WASF2: variants seen among roughly 807,000 people sequenced by gnomAD.
The protein encoded by WASF2 is actin-binding protein WASF2.
Under a neutral mutation model 45.0 loss-of-function variants are expected in WASF2, and 14 were observed. That is an observed-to-expected ratio of 0.31 (90% CI 0.21 to 0.49). The LOEUF is 0.49. WASF2 is among the 20% of genes least tolerant of loss of function. WASF2 has a pLI of 0.99. For missense variants in WASF2, 439 were observed against 636.1 expected, an observed-to-expected ratio of 0.69 and a Z score of 3.33; for synonymous variants, 200 against 236.3, an observed-to-expected ratio of 0.85 and a Z score of 1.41.
chr1:27,409,428 C>CAAAAAAAA (rs60940665), intron 8 of WASF2, among the ~76,000 whole-genome samples: 103 of 43,666 alleles, frequency 2.4e-3, no homozygotes, highest in African/African-American at 3.7e-3. Flanking sequence ...CTGTCCCCCA[C>CAAAAAAAA]AAAAAAAAAA....
In WASF2 at chr1:27,418,294, G is replaced by C. The variant is rs1360490113; in HGVS notation, c.394C>G (p.Pro132Ala). Residue 132 changes from proline to alanine, a missense_variant, in exon 4 of 9, where the codon CCT becomes GCT. Physicochemically the swap from Pro to Ala is conservative, Grantham distance 27. This residue lies in a region of WASF2 where 98 missense variants were observed against 120.7 expected (regional missense o/e 0.81). Transcript: ENST00000618852. ...ETYNTCDTPP[P>A]LNNLTPYRDD... The stretch of plus-strand genomic sequence containing the variant: ...CTGTAAGGGGTAAGATTGTTGAGAG[G>C]GGGAGGAGTATCACAGGTATTGTAT... 1 of 1,614,180 alleles carries C rather than the reference G, an allele frequency of 6.2e-7. No homozygotes were observed.
In WASF2 at chr1:27,418,440, G is replaced by A; in HGVS notation, c.266-18C>T. 6.2e-7 allele frequency: 1 copy of A among 1,614,216 alleles called. No homozygotes were observed. Among genetic ancestry groups the A allele is most frequent in the Non-Finnish European group, 8.5e-7 (1 of 1,180,040 alleles). On this transcript the variant is annotated intron_variant, in intron 3 of 8. Coordinates refer to ENST00000618852, the MANE Select transcript of WASF2 (RefSeq NM_006990.5). ...CAGTGACACTGAGAGAAGATGGAAG[G>A]CGTTAGAAAATGGACGACAGGCTAT...
intron 1 of WASF2, among the ~76,000 whole-genome samples, chr1:27,432,664 A>G (rs2148114110): frequency 6.6e-6 from 1 of 151,170 alleles, no homozygotes. Context: ...AAAAAAAAAA[A>G]AAAAAAAGAG....
Position 27,428,822 on chromosome 1 carries a change from G to T in WASF2, c.69C>A (p.Ser23Arg). 1 of 1,614,144 alleles carries T rather than the reference G, an allele frequency of 6.2e-7. No individual in the cohort carries two copies. The highest frequency in any genetic ancestry group is 8.5e-7 in the Non-Finnish European group (1 of 1,180,036). ...LCRQTLPSVR[S>R]ELECVTNITL... ...TGATGTTGGTCACGCATTCCAGCTCGCTTCTAACGCTAGGCAACGTCTGAC... is the reference window on the plus strand; with the variant it reads ...TGATGTTGGTCACGCATTCCAGCTCTCTTCTAACGCTAGGCAACGTCTGAC... Residue 23 changes from serine to arginine, a missense_variant, in exon 2 of 9, where the codon AGC (serine) becomes AGA (arginine). Transcript: ENST00000618852.
chr1:27,482,289 C>T (rs1177536081), intron 1 of WASF2, among the ~76,000 whole-genome samples: 2 of 152,178 alleles, frequency 1.3e-5, no homozygotes, highest in East Asian at 1.9e-4. Flanking sequence ...AATTAAGGAC[C>T]ACTGCCTTGA....
intron 1 of WASF2, among the ~76,000 whole-genome samples, chr1:27,456,317 A>T (rs79342530): frequency 5.8e-4 from 4 of 6,918 alleles, no homozygotes; most frequent in African/African-American, 1.3e-3. Flanking sequence ...GCGAGACTCT[A>T]AAAAAAAAAA....
chr1:27,428,086 C>T (rs2017012050), intron 2 of WASF2, among the ~76,000 whole-genome samples: 1 of 152,152 alleles, frequency 6.6e-6, no homozygotes, highest in Non-Finnish European at 1.5e-5. Context: ...CTGGGCTAAC[C>T]CCCATCTTCC....
At chr1:27,488,760 A>G (rs2017981625) in intron 1 of WASF2, among the ~76,000 whole-genome samples, 1 of 152,174 alleles carries the variant, frequency 6.6e-6, no homozygotes, top group East Asian at 1.9e-4. Flanking sequence ...GTAACAAGGC[A>G]AACTTCCCTA....
chr1:27,410,395 T>C lies in WASF2; in HGVS notation c.825-189A>G, dbSNP rs1286897535. Among the ~76,000 whole-genome samples the C allele has an allele frequency of 2.0e-5, 3 of 152,166 alleles. No homozygotes were observed. Among genetic ancestry groups the C allele is most frequent in the Non-Finnish European group, 4.4e-5 (3 of 68,026 alleles). On this transcript the variant is annotated intron_variant, in intron 7 of 8. Coordinates refer to ENST00000618852, the MANE Select transcript of WASF2 (RefSeq NM_006990.5). This position sits in a 1 kb window ranked among gnomAD's most constrained non-coding sequence, Gnocchi z 4.2. ...TGAAATAAGCAGCCTTTTAAGGTAATGAGCTTCCCACCAGTAGAGGAGGAT... is the reference window on the plus strand; with the variant it reads ...TGAAATAAGCAGCCTTTTAAGGTAACGAGCTTCCCACCAGTAGAGGAGGAT...
At chr1:27,419,685 T>G (rs1172747423) in intron 2 of WASF2, among the ~76,000 whole-genome samples, 1 of 152,216 alleles carries the variant, frequency 6.6e-6, no homozygotes, top group Non-Finnish European at 1.5e-5. Context: ...TATAAAACGG[T>G]TCTGAAAAAC....
At chr1:27,452,043 T>A (rs775370928) in intron 1 of WASF2, among the ~76,000 whole-genome samples, 29 of 152,308 alleles carry the variant, frequency 1.9e-4, no homozygotes, top group Non-Finnish European at 3.4e-4. Flanking sequence ...CACAGGTAAC[T>A]GAAACTGGAT....
intron 1 of WASF2, among the ~76,000 whole-genome samples, chr1:27,458,857 G>A (rs1323484637): frequency 1.3e-5 from 2 of 151,582 alleles, no homozygotes; most frequent in African/African-American, 4.8e-5. Context: ...CGAGCGCAGA[G>A]GCTCATGCCT....
At chr1:27,421,621 G>C (rs1395874917) in intron 2 of WASF2, among the ~76,000 whole-genome samples, 1 of 152,108 alleles carries the variant, frequency 6.6e-6, no homozygotes, top group Non-Finnish European at 1.5e-5. Flanking sequence ...TTTGAGACCA[G>C]CCTGGCCAAC....
chr1:27,471,898 T>G (rs1260813353), intron 1 of WASF2, among the ~76,000 whole-genome samples: 4 of 152,156 alleles, frequency 2.6e-5, no homozygotes, highest in African/African-American at 9.7e-5. Context: ...TCCATTTCTC[T>G]CCATCTCTTT....
At chr1:27,432,647 C>CAAAAAAA (rs558826790) in intron 1 of WASF2, among the ~76,000 whole-genome samples, 5 of 51,382 alleles carry the variant, frequency 9.7e-5, no homozygotes, top group East Asian at 1.4e-3. Flanking sequence ...AACTCTGTCT[C>CAAAAAAA]AAAAAAAAAA....
chr1:27,447,628 C>T (rs2017327895), intron 1 of WASF2, among the ~76,000 whole-genome samples: 1 of 152,110 alleles, frequency 6.6e-6, no homozygotes, highest in Non-Finnish European at 1.5e-5. Context: ...CTGTGGGTTC[C>T]CTCATCTCAA....
chr1:27,489,348 T>TACACACATACAC (rs1553153052), intron 1 of WASF2, among the ~76,000 whole-genome samples: 1 of 10,102 alleles, frequency 9.9e-5, no homozygotes, highest in African/African-American at 3.8e-4. Context: ...TACTTCATGG[T>TACACACATACAC]ACACACACAC....
Position 27,409,871 on chromosome 1 carries a change from G to C in WASF2, c.1160C>G (p.Thr387Arg). ...AGGGGGAGGAGGAGGTGCTCCTCCT[G>C]TTGGCTGGGACAAGGGAGGTGGTGG... ...TLPPPPLSQPTGGAPPPPPPP... is the reference protein window; with the variant it reads ...TLPPPPLSQPRGGAPPPPPPP... The change falls in exon 8 of 9, where the codon ACA becomes AGA. Residue 387 changes from threonine to arginine, a missense_variant. Thr to Arg is a moderately conservative substitution (Grantham distance 71). Coordinates refer to ENST00000618852, the MANE Select transcript of WASF2 (RefSeq NM_006990.5). 6.4e-7 allele frequency: 1 copy of C among 1,560,280 alleles called. No homozygotes were observed. The highest frequency in any genetic ancestry group is 8.7e-7 in the Non-Finnish European group (1 of 1,149,112).
intron 1 of WASF2, among the ~76,000 whole-genome samples, chr1:27,461,836 TA>T (rs2017549952): frequency 6.6e-6 from 1 of 152,046 alleles, no homozygotes; most frequent in Admixed American, 6.6e-5. Context: ...TTATTTTTTG[TA>T]TTTTTGGTAG....
Sources: allele counts gnomAD v4.1 joint callset (sites outside exome capture counted in the v4.1 genomes callset), GRCh38; gene constraint gnomAD v4.1.1; regional missense constraint gnomAD v4.1.1; non-coding constraint Gnocchi (gnomAD v3.1); transcripts MANE v1.5; gene names NCBI Gene and HGNC (gene_info 2026-07-23, HGNC 2026-07-21).